Variants in CFAP299 observed in about 807,000 individuals in gnomAD.
CFAP299 encodes the protein cilia and flagella associated protein 299.
Under a neutral mutation model 27.0 loss-of-function variants are expected in CFAP299, and 21 were observed. The ratio of observed to expected loss-of-function variants is 0.78; its 90% CI spans 0.55 to 1.12. The LOEUF (loss-of-function observed/expected upper bound fraction) is 1.12. Ranked by LOEUF, CFAP299 falls within the 50% of genes most tolerant of loss-of-function variation. CFAP299 has a pLI of 0.00. For missense variants in CFAP299, 310 were observed against 276.6 expected (o/e 1.12, Z -0.86); for synonymous variants, 104 against 98.1 (o/e 1.06, Z -0.36).
At chr4:80,519,109 T>C (rs755456529) in intron 2 of CFAP299, among the ~76,000 whole-genome samples, 7 of 152,140 alleles carry the variant, frequency 4.6e-5, no homozygotes, top group Non-Finnish European at 8.8e-5. Context: ...CTACCTCTAC[T>C]GCCTAGCATA....
intron 2 of CFAP299, among the ~76,000 whole-genome samples, chr4:80,552,981 C>T (rs1189216917): frequency 6.6e-6 from 1 of 152,016 alleles, no homozygotes; most frequent in Non-Finnish European, 1.5e-5. Context: ...GGCCACTGCA[C>T]ATAGCCAATA....
chr4:80,689,849 T>C (rs1420262805), intron 3 of CFAP299, among the ~76,000 whole-genome samples: 2 of 151,870 alleles, frequency 1.3e-5, no homozygotes, highest in African/African-American at 4.8e-5. Context: ...TGGAGGAAGG[T>C]CGACCAAGCA....
At chr4:80,848,859 G>C (rs920935257) in intron 3 of CFAP299, among the ~76,000 whole-genome samples, 1 of 152,166 alleles carries the variant, frequency 6.6e-6, no homozygotes, top group South Asian at 2.1e-4. Context: ...CATGAATGGA[G>C]CTTGTACCAC....
intron 2 of CFAP299, among the ~76,000 whole-genome samples, chr4:80,526,684 CTCTG>C (rs975615545): frequency 3.9e-5 from 6 of 151,974 alleles, no homozygotes; most frequent in Non-Finnish European, 7.4e-5. Flanking sequence ...TGTAAGGTTA[CTCTG>C]TCTAAGGCAT....
At chr4:80,799,996 TTA>T (rs1728311864) in intron 3 of CFAP299, among the ~76,000 whole-genome samples, 1 of 58,300 alleles carries the variant, frequency 1.7e-5, no homozygotes, top group African/African-American at 7.4e-5. Context: ...GTAATATATA[TTA>T]TGATATATAA....
At chr4:80,433,684 T>C (rs1025926469) in intron 2 of CFAP299, among the ~76,000 whole-genome samples, 6 of 152,134 alleles carry the variant, frequency 3.9e-5, no homozygotes, top group African/African-American at 1.4e-4. Context: ...CTTTGTACAA[T>C]GTAACATTTT....
At chr4:80,869,653 ATAG>A (rs1732963690) in intron 3 of CFAP299, among the ~76,000 whole-genome samples, 1 of 152,088 alleles carries the variant, frequency 6.6e-6, no homozygotes, top group Non-Finnish European at 1.5e-5. Context: ...AGCTGGGATT[ATAG>A]GCGCCCTCCA....
At chr4:80,905,896 C>T (rs1272743919) in intron 4 of CFAP299, among the ~76,000 whole-genome samples, 1 of 152,126 alleles carries the variant, frequency 6.6e-6, no homozygotes, top group Non-Finnish European at 1.5e-5. Context: ...AGCCAAATCA[C>T]ATCATTCCAC....
chr4:80,700,769 A>T (rs1294411724), intron 3 of CFAP299, among the ~76,000 whole-genome samples: 1 of 152,132 alleles, frequency 6.6e-6, no homozygotes, highest in Non-Finnish European at 1.5e-5. Flanking sequence ...GAGATTACTT[A>T]AAAATAATTT....
At chr4:80,671,439 C>A (rs192603572) in intron 3 of CFAP299, among the ~76,000 whole-genome samples, 1 of 152,290 alleles carries the variant, frequency 6.6e-6, no homozygotes, top group African/African-American at 2.4e-5. Flanking sequence ...ATGCCTCCAG[C>A]TTTGTTCTTT....
intron 2 of CFAP299, among the ~76,000 whole-genome samples, chr4:80,485,791 T>C (rs1244273910): frequency 1.3e-5 from 2 of 152,178 alleles, no homozygotes; most frequent in Non-Finnish European, 2.9e-5. Flanking sequence ...ATCAAAATTA[T>C]GCATTTTCAC....
intron 3 of CFAP299, among the ~76,000 whole-genome samples, chr4:80,736,802 C>T (rs1441171873): frequency 1.3e-5 from 2 of 152,164 alleles, no homozygotes; most frequent in African/African-American, 2.4e-5. Context: ...ACCCAGCCAT[C>T]CCATTACTGG....
At chr4:80,874,276 A>G (rs1733260843) in intron 4 of CFAP299, among the ~76,000 whole-genome samples, 1 of 152,186 alleles carries the variant, frequency 6.6e-6, no homozygotes, top group African/African-American at 2.4e-5. Flanking sequence ...AGAGGGGGAA[A>G]TACTTTGAGC....
chr4:80,840,384 A>G (rs1156853778), intron 3 of CFAP299, among the ~76,000 whole-genome samples: 1 of 152,174 alleles, frequency 6.6e-6, no homozygotes, highest in Non-Finnish European at 1.5e-5. Context: ...CATCAGTGAA[A>G]GTAGACAAGT....
At chr4:80,506,146 G>A (rs1282570638) in intron 2 of CFAP299, among the ~76,000 whole-genome samples, 1 of 151,952 alleles carries the variant, frequency 6.6e-6, no homozygotes, top group Non-Finnish European at 1.5e-5. Context: ...ATATTTTAAT[G>A]ACTTCCAACT....
rs150181779 is a variant in CFAP299 at position 80,340,975 on chromosome 4, T to C, written c.111+5096T>C. On this transcript the variant is annotated intron_variant, in intron 1 of 5. Transcript: ENST00000358105. ...ATTTTTAGTAGAGACAGGGTTTCAC[T>C]GTGTTGGTCAGGCTGGTCTTGAACT... 6.2e-3 allele frequency among the ~76,000 whole-genome samples: 950 copies of C among 152,120 alleles called. 2 individuals carry two copies. Among genetic ancestry groups the C allele is most frequent in the Middle Eastern group, 0.024 (7 of 294 alleles).
chr4:80,490,587 CTAT>C (rs994638019), intron 2 of CFAP299, among the ~76,000 whole-genome samples: 27 of 152,226 alleles, frequency 1.8e-4, no homozygotes, highest in Middle Eastern at 3.4e-3. Flanking sequence ...GGTTTACATC[CTAT>C]TATTATTCTT....
At chr4:80,437,255 A>G (rs1219790487) in intron 2 of CFAP299, among the ~76,000 whole-genome samples, 2 of 152,166 alleles carry the variant, frequency 1.3e-5, no homozygotes, top group African/African-American at 4.8e-5. Flanking sequence ...GTGCTGATGT[A>G]TACATACAAA....
intron 4 of CFAP299, among the ~76,000 whole-genome samples, chr4:80,944,324 C>A (rs1737360110): frequency 6.6e-6 from 1 of 151,014 alleles, no homozygotes; most frequent in African/African-American, 2.4e-5. Context: ...CTCACGGTAA[C>A]CACTCAAACA....
Sources: gnomAD v4.1 joint callset for allele counts (sites outside exome capture counted in the v4.1 genomes callset) on GRCh38, gnomAD v4.1.1 for gene constraint, MANE v1.5 for transcripts, NCBI Gene and HGNC (gene_info 2026-07-23, HGNC 2026-07-21) for gene names.